DYNC1I1: variants seen among roughly 807,000 people sequenced by gnomAD.
DYNC1I1 encodes the protein dynein cytoplasmic 1 intermediate chain 1.
DYNC1I1 carries 43 observed loss-of-function variants against 86.6 expected under a neutral mutation model. That is an observed-to-expected ratio of 0.50 (90% CI 0.39 to 0.64). The LOEUF is 0.64. DYNC1I1 is among the 30% of genes least tolerant of loss of function. DYNC1I1 has a pLI of 0.00. For missense variants in DYNC1I1, 604 were observed against 788.8 expected, an observed-to-expected ratio of 0.77 and a Z score of 2.81; for synonymous variants, 262 against 283.7, an observed-to-expected ratio of 0.92 and a Z score of 0.77.
intron 11 of DYNC1I1, among the ~76,000 whole-genome samples, chr7:96,030,805 G>A (rs969946515): frequency 5.9e-5 from 9 of 152,038 alleles, no homozygotes; most frequent in African/African-American, 1.2e-4. Flanking sequence ...GTGTGGCTCC[G>A]GGCTTGATAA....
chr7:96,033,110 G>A (rs17719398), intron 12 of DYNC1I1, among the ~76,000 whole-genome samples: 32,951 of 152,152 alleles, frequency 0.22, 3,660 homozygotes, highest in East Asian at 0.32. Flanking sequence ...AGATGCAGAC[G>A]AGGTTGGAGC....
rs928520462 is a variant in DYNC1I1, at chr7:95,828,122, T to A, written c.374+6T>A. 6.2e-7 allele frequency: 1 copy of A among 1,613,732 alleles called. No individual in the cohort carries two copies. Among genetic ancestry groups the A allele is most frequent in the Non-Finnish European group, 8.5e-7 (1 of 1,179,678 alleles). On this transcript the variant is annotated splice_donor_region_variant and intron_variant, in intron 5 of 16. Coordinates refer to ENST00000447467, the MANE Select transcript of DYNC1I1 (RefSeq NM_001135556.2). ...CAGTCAGACTCAGAACTTGGGTATATGTCTGCTCTTTTGTTACTCCTTTTA... is the reference window on the plus strand; with the variant it reads ...CAGTCAGACTCAGAACTTGGGTATAAGTCTGCTCTTTTGTTACTCCTTTTA...
At chr7:95,985,625 T>G (rs1303843447) in intron 8 of DYNC1I1, among the ~76,000 whole-genome samples, 1 of 152,172 alleles carries the variant, frequency 6.6e-6, no homozygotes, top group African/African-American at 2.4e-5. Context: ...TATATGAGCC[T>G]TATAAACATA....
At chr7:95,988,060 C>G (rs1793640411) in intron 9 of DYNC1I1, among the ~76,000 whole-genome samples, 2 of 152,144 alleles carry the variant, frequency 1.3e-5, no homozygotes, top group Admixed American at 1.3e-4. Flanking sequence ...GAAATCTACC[C>G]AAACAATCTT....
intron 10 of DYNC1I1, 112 bp downstream of exon 10, chr7:95,996,185 T>C: frequency 1.3e-6 from 2 of 1,511,512 alleles, no homozygotes; most frequent in Non-Finnish European, 1.8e-6. Context: ...AAAAATGAAA[T>C]TGTTGACAAT....
At chr7:95,811,406 A>T (rs1440122360) in intron 3 of DYNC1I1, among the ~76,000 whole-genome samples, 2 of 152,030 alleles carry the variant, frequency 1.3e-5, no homozygotes, top group Admixed American at 1.3e-4. Flanking sequence ...TAATTCCATA[A>T]TTTACTTTTA....
chr7:96,040,931 A>G (rs1225209767), intron 14 of DYNC1I1, among the ~76,000 whole-genome samples: 1 of 152,032 alleles, frequency 6.6e-6, no homozygotes, highest in Non-Finnish European at 1.5e-5. Flanking sequence ...CATGTTGGCC[A>G]GGCTGGTCTT....
At chr7:96,017,048 A>G (rs1794419825) in intron 10 of DYNC1I1, among the ~76,000 whole-genome samples, 1 of 152,118 alleles carries the variant, frequency 6.6e-6, no homozygotes, top group Non-Finnish European at 1.5e-5. Flanking sequence ...AATCCTTCAT[A>G]TTTTAACAAG....
At chr7:95,985,108 T>C (rs1395752687) in intron 8 of DYNC1I1, 131 bp downstream of exon 8, 2 of 1,247,832 alleles carry the variant, frequency 1.6e-6, no homozygotes, top group African/African-American at 1.5e-5. Context: ...TTGATCTTGC[T>C]GAACAGCTTT....
chr7:95,811,803 C>T (rs1163749123), intron 3 of DYNC1I1, among the ~76,000 whole-genome samples: 1 of 152,052 alleles, frequency 6.6e-6, no homozygotes, highest in Admixed American at 6.6e-5. Flanking sequence ...ACTTAGTTGA[C>T]ATCTGATATG....
chr7:96,064,543 A>G (rs1483393670), intron 14 of DYNC1I1, among the ~76,000 whole-genome samples: 1 of 152,212 alleles, frequency 6.6e-6, no homozygotes, highest in Non-Finnish European at 1.5e-5. Context: ...ACTGGGCAGC[A>G]AATGTGACCT....
At chr7:96,100,650 T>TGTGTGTGTGTGTGTGTGTGTG (rs1791119550), downstream of DYNC1I1, among the ~76,000 whole-genome samples, 1 of 142,848 alleles carries the variant, frequency 7.0e-6, no homozygotes, top group Admixed American at 7.1e-5. Context: ...TTTGAGGGTT[T>TGTGTGTGTGTGTGTGTGTGTG]TGTGTGTGTG....
intron 16 of DYNC1I1, among the ~76,000 whole-genome samples, chr7:96,109,276 A>G (rs1791270623): frequency 6.6e-6 from 1 of 151,494 alleles, no homozygotes; most frequent in African/African-American, 2.4e-5. Context: ...GGTTTGTTAC[A>G]TATGTATACA....
intron 10 of DYNC1I1, among the ~76,000 whole-genome samples, chr7:96,026,173 AT>A (rs1176420682): frequency 6.6e-6 from 1 of 152,146 alleles, no homozygotes. Flanking sequence ...TGAAAACCAG[AT>A]TGGGGCATGA....
intron 4 of DYNC1I1, among the ~76,000 whole-genome samples, chr7:95,820,685 G>A (rs1795054656): frequency 6.6e-6 from 1 of 152,240 alleles, no homozygotes; most frequent in East Asian, 1.9e-4. Flanking sequence ...ACTTGGTAGA[G>A]AAGATGGCTG....
intron 6 of DYNC1I1, among the ~76,000 whole-genome samples, chr7:95,967,759 A>C (rs1302076406): frequency 6.6e-6 from 1 of 152,174 alleles, no homozygotes; most frequent in Non-Finnish European, 1.5e-5. Flanking sequence ...TATACCCAGC[A>C]CATAGTAGGT....
chr7:95,799,872 T>C (rs1373197282), intron 1 of DYNC1I1, among the ~76,000 whole-genome samples: 1 of 151,788 alleles, frequency 6.6e-6, no homozygotes, highest in Non-Finnish European at 1.5e-5. Context: ...AGTGATGACA[T>C]GGTTATTGAA....
chr7:95,830,876 C>T (rs1379635791), intron 5 of DYNC1I1, among the ~76,000 whole-genome samples: 2 of 152,090 alleles, frequency 1.3e-5, no homozygotes, highest in Non-Finnish European at 2.9e-5. Flanking sequence ...TTAGTTTGAG[C>T]TTCTTAAAAG....
At chr7:95,816,013 G>GT (rs1485072857) in intron 4 of DYNC1I1, among the ~76,000 whole-genome samples, 1 of 85,272 alleles carries the variant, frequency 1.2e-5, no homozygotes, top group African/African-American at 5.3e-5. Flanking sequence ...CCCTCTTATT[G>GT]ATTTTTTTTT....
Sources: gnomAD v4.1 joint callset for allele counts (sites outside exome capture counted in the v4.1 genomes callset) on GRCh38, gnomAD v4.1.1 for gene constraint, MANE v1.5 for transcripts, NCBI Gene and HGNC (gene_info 2026-07-23, HGNC 2026-07-21) for gene names.